PLXDC2: variants seen among roughly 807,000 people sequenced by gnomAD.
PLXDC2 encodes plexin domain containing 2.
Under a neutral mutation model 68.9 loss-of-function variants are expected in PLXDC2, and 40 were observed. The ratio of observed to expected loss-of-function variants is 0.58; its 90% CI spans 0.45 to 0.76. The LOEUF (loss-of-function observed/expected upper bound fraction) is 0.76, where lower values mean the gene tolerates loss of function less well. Ranked by LOEUF, PLXDC2 falls within the 30% of genes least tolerant of loss-of-function variation. The pLI, the probability that PLXDC2 is intolerant of heterozygous loss-of-function variation, is 0.00. For missense variants in PLXDC2, 644 were observed against 661.9 expected (o/e 0.97, Z 0.30); for synonymous variants, 243 against 234.2 (o/e 1.04, Z -0.34).
chr10:20,102,410 C>T (rs750208706), intron 4 of PLXDC2, among the ~76,000 whole-genome samples: 7 of 152,248 alleles, frequency 4.6e-5, no homozygotes, highest in Middle Eastern at 3.4e-3. Flanking sequence ...AGCCTTTATC[C>T]CAAGATATAG....
chr10:20,188,674 A>C (rs1834718532), intron 9 of PLXDC2, among the ~76,000 whole-genome samples: 1 of 151,810 alleles, frequency 6.6e-6, no homozygotes, highest in Non-Finnish European at 1.5e-5. Flanking sequence ...ATATTATAGA[A>C]AAAATCTGTA....
chr10:20,266,960 C>G (rs1469016677), intron 13 of PLXDC2, among the ~76,000 whole-genome samples: 1 of 152,098 alleles, frequency 6.6e-6, no homozygotes, highest in Non-Finnish European at 1.5e-5. Flanking sequence ...TAAGAGTTAG[C>G]AGAGAACTTA....
chr10:20,020,403 A>G (rs2131656819), intron 2 of PLXDC2, among the ~76,000 whole-genome samples: 1 of 151,920 alleles, frequency 6.6e-6, no homozygotes, highest in East Asian at 1.9e-4. Flanking sequence ...TCCATTTCCC[A>G]GTGAACTTGT....
intron 4 of PLXDC2, among the ~76,000 whole-genome samples, chr10:20,101,134 T>C (rs955267036): frequency 5.3e-5 from 8 of 152,144 alleles, no homozygotes; most frequent in African/African-American, 1.9e-4. Flanking sequence ...GGCATCTGGT[T>C]TAGGGGTACA....
At chr10:20,226,699 C>T (rs1213556732) in intron 12 of PLXDC2, among the ~76,000 whole-genome samples, 1 of 152,182 alleles carries the variant, frequency 6.6e-6, no homozygotes, top group African/African-American at 2.4e-5. Flanking sequence ...GATGATATAG[C>T]AGAGTGCCTC....
At chr10:20,044,122 T>TCCTTCCTTCTTTCCTTCCTTCCTTCCTC (rs71388894) in intron 2 of PLXDC2, among the ~76,000 whole-genome samples, 1 of 99,738 alleles carries the variant, frequency 1.0e-5, no homozygotes, top group Non-Finnish European at 2.1e-5. Context: ...CTTCCTTCCT[T>TCCTTCCTTCTTTCCTTCCTTCCTTCCTC]CCTCCCTCCC....
intron 4 of PLXDC2, among the ~76,000 whole-genome samples, chr10:20,103,253 A>G (rs1833446031): frequency 1.3e-5 from 2 of 152,178 alleles, no homozygotes. Flanking sequence ...ATAAAAATGA[A>G]ACCTGCCTGG....
At chr10:20,145,821 G>A (rs1834069263) in intron 5 of PLXDC2, among the ~76,000 whole-genome samples, 1 of 152,042 alleles carries the variant, frequency 6.6e-6, no homozygotes. Flanking sequence ...TCAAAGTGCT[G>A]GGATTACAGT....
rs1181522288 is a variant in PLXDC2 at position 20,123,063 on chromosome 10, G to T, written c.542-20232G>T. On this transcript the variant is annotated intron_variant, in intron 4 of 13. Coordinates refer to ENST00000377252, the MANE Select transcript of PLXDC2 (RefSeq NM_032812.9). Reference sequence around the variant, plus strand: ...CCTTTAGCTCCAGCCACCTTTTTAAGAGTAAATTGCTGGGCAGGTGGGGGA... The same window carrying T: ...CCTTTAGCTCCAGCCACCTTTTTAATAGTAAATTGCTGGGCAGGTGGGGGA... Among the ~76,000 whole-genome samples, 4 of 152,166 alleles carry T rather than the reference G, an allele frequency of 2.6e-5. No individual in the cohort carries two copies. In the East Asian group the frequency reaches 7.7e-4, roughly 29 times the overall value.
intron 1 of PLXDC2, among the ~76,000 whole-genome samples, chr10:19,866,079 G>T (rs753026808): frequency 1.3e-5 from 2 of 152,156 alleles, no homozygotes; most frequent in East Asian, 3.8e-4. Context: ...TAGGTAATTT[G>T]TAGTTTTCTT....
intron 1 of PLXDC2, among the ~76,000 whole-genome samples, chr10:19,919,697 A>G (rs1389235774): frequency 6.6e-6 from 1 of 152,158 alleles, no homozygotes; most frequent in Admixed American, 6.5e-5. Flanking sequence ...GGCCCATCAG[A>G]CCTTTGGTTT....
At chr10:19,963,010 A>T (rs1389736353) in intron 1 of PLXDC2, among the ~76,000 whole-genome samples, 2 of 143,960 alleles carry the variant, frequency 1.4e-5, no homozygotes, top group African/African-American at 2.5e-5. Context: ...AAAAAAAAAA[A>T]GTTTATTTTT....
chr10:19,966,440 A>T, intron 1 of PLXDC2, among the ~76,000 whole-genome samples: 1 of 151,374 alleles, frequency 6.6e-6, no homozygotes, highest in East Asian at 1.9e-4. Context: ...GTGCACATAT[A>T]TATAAAACAT....
At chr10:19,943,113 G>A (rs1362381781) in intron 1 of PLXDC2, among the ~76,000 whole-genome samples, 1 of 152,182 alleles carries the variant, frequency 6.6e-6, no homozygotes, top group Non-Finnish European at 1.5e-5. Context: ...TGCCATTAGA[G>A]TGGCTGAAGA....
chr10:20,184,666 A>G (rs1293795150), intron 9 of PLXDC2, among the ~76,000 whole-genome samples: 2 of 151,932 alleles, frequency 1.3e-5, no homozygotes, highest in South Asian at 2.1e-4. Flanking sequence ...ACAGAAAACA[A>G]ATTTAAGTAG....
intron 2 of PLXDC2, among the ~76,000 whole-genome samples, chr10:20,004,419 G>T (rs997907167): frequency 6.6e-6 from 1 of 152,114 alleles, no homozygotes; most frequent in Non-Finnish European, 1.5e-5. Context: ...AGCAACTTGG[G>T]GTAGGCAACA....
At chr10:19,932,273 AT>A (rs1305739326) in intron 1 of PLXDC2, among the ~76,000 whole-genome samples, 1 of 151,704 alleles carries the variant, frequency 6.6e-6, no homozygotes, top group African/African-American at 2.4e-5. Context: ...TCCTCTATTT[AT>A]TTTTTTCTCA....
chr10:19,972,390 C>T (rs898213710), intron 1 of PLXDC2, among the ~76,000 whole-genome samples: 6 of 152,144 alleles, frequency 3.9e-5, no homozygotes, highest in African/African-American at 1.2e-4. Context: ...GGGAGCTAAA[C>T]ACTGAGGACT....
intron 6 of PLXDC2, among the ~76,000 whole-genome samples, chr10:20,149,224 C>CTTTTTTTTTTTTTTTTTTTT (rs1554770079): frequency 5.0e-5 from 1 of 20,078 alleles, no homozygotes; most frequent in Non-Finnish European, 1.1e-4. Flanking sequence ...CTTTTTTTTT[C>CTTTTTTTTTTTTTTTTTTTT]TTTTCTTTTT....
Sources: allele counts gnomAD v4.1 joint callset (sites outside exome capture counted in the v4.1 genomes callset), GRCh38; gene constraint gnomAD v4.1.1; transcripts MANE v1.5; gene names NCBI Gene and HGNC (gene_info 2026-07-23, HGNC 2026-07-21).